ADTRP: variants seen among roughly 807,000 people sequenced by gnomAD.
ADTRP encodes androgen dependent TFPI regulating protein.
A neutral mutation model predicts 27.0 loss-of-function variants in ADTRP; 20 were observed. The observed-to-expected ratio is 0.74, with a 90% CI of 0.52 to 1.08. ADTRP has a LOEUF of 1.08. Ranked by LOEUF, ADTRP falls within the 50% of genes least tolerant of loss-of-function variation. The probability of loss-of-function intolerance (pLI) is 0.00; values close to 1 mark genes in which losing one functional copy is unlikely to be tolerated. For missense variants in ADTRP, 251 were observed against 275.0 expected (o/e 0.91, Z 0.62); for synonymous variants, 101 against 105.2 (o/e 0.96, Z 0.25).
chr6:11,724,112 G>T (rs565958188), intron 4 of ADTRP, among the ~76,000 whole-genome samples: 1 of 151,946 alleles, frequency 6.6e-6, no homozygotes, highest in Admixed American at 6.5e-5. Flanking sequence ...GTTAGCTAAA[G>T]AACTAAAGAG....
chr6:11,753,018 T>A (rs1416515832), intron 3 of ADTRP, among the ~76,000 whole-genome samples: 1 of 152,214 alleles, frequency 6.6e-6, no homozygotes, highest in Non-Finnish European at 1.5e-5. Context: ...TTTGCCTGTT[T>A]AAAGGAACCC....
chr6:11,746,078 C>A (rs1326466484), intron 3 of ADTRP, among the ~76,000 whole-genome samples: 1 of 152,178 alleles, frequency 6.6e-6, no homozygotes, highest in South Asian at 2.1e-4. Flanking sequence ...GCATGAGCCA[C>A]CCCGCCCGTC....
rs1460185609 is a variant in ADTRP at position 11,778,747 on chromosome 6, A to G, written c.13T>C (p.Ser5Pro). Residue 5 changes from serine (S) to proline (P), a missense_variant, in exon 1 of 6, where the codon TCT (serine) becomes CCT (proline). By Grantham distance (74) the Ser-to-Pro change is moderately conservative. Transcript: ENST00000414691. Reference protein sequence around the residue: MTKTSTCIYHFLVLS... With the variant: MTKTPTCIYHFLVLS... ...ACAAGGAAGTGGTATATGCATGTAG[A>G]AGTCTTCGTCATGGCGAGTGCTGAC... 5.0e-6 allele frequency: 8 copies of G among 1,614,104 alleles called. No individual in the cohort carries two copies. The highest frequency in any genetic ancestry group is 6.8e-6 in the Non-Finnish European group (8 of 1,179,960).
At position 11,768,371 on chromosome 6, in the gene ADTRP, T is replaced by C. The variant is rs1561774026; in HGVS notation, c.166A>G (p.Ile56Val). 1.2e-6 allele frequency: 2 copies of C among 1,614,148 alleles called. No homozygotes were observed. The highest frequency in any genetic ancestry group is 1.7e-5 in the Admixed American group (1 of 60,010). ...MTLLNLLLQTIFYGVTCLDDV... is the reference protein window; with the variant it reads ...MTLLNLLLQTVFYGVTCLDDV... Reference sequence around the variant, plus strand: ...TCCAGGCAGGTGACCCCGTAGAAAATGGTCTGCAAGAGCTAAATCCATTAC... The same window carrying C: ...TCCAGGCAGGTGACCCCGTAGAAAACGGTCTGCAAGAGCTAAATCCATTAC... Residue 56 changes from isoleucine to valine, a missense_variant, in exon 2 of 6, where the codon ATT becomes GTT. By Grantham distance (29) the Ile-to-Val change is conservative. Transcript: ENST00000414691.
chr6:11,772,993 C>G (rs748979545), intron 1 of ADTRP, among the ~76,000 whole-genome samples: 1 of 152,164 alleles, frequency 6.6e-6, no homozygotes, highest in African/African-American at 2.4e-5. Context: ...CTGAGGACAA[C>G]GGGCTTCAGT....
chr6:11,723,023 T>C (rs1258164581), intron 5 of ADTRP, among the ~76,000 whole-genome samples: 1 of 152,240 alleles, frequency 6.6e-6, no homozygotes, highest in Non-Finnish European at 1.5e-5. Context: ...CCTGATTTTA[T>C]TTATTCATGC....
At chr6:11,760,151 T>C (rs577779656) in intron 3 of ADTRP, among the ~76,000 whole-genome samples, 1 of 152,192 alleles carries the variant, frequency 6.6e-6, no homozygotes, top group Non-Finnish European at 1.5e-5. Context: ...ACTACTCTGT[T>C]CTCTCACCTT....
intron 3 of ADTRP, chr6:11,735,922 G>A: frequency 2.5e-6 from 1 of 401,892 alleles, no homozygotes; most frequent in Non-Finnish European, 4.5e-6. Flanking sequence ...CTCTGGTCCT[G>A]CTTATTGCCC....
chr6:11,750,282 T>C (rs1298724355), intron 3 of ADTRP, among the ~76,000 whole-genome samples: 1 of 152,234 alleles, frequency 6.6e-6, no homozygotes, highest in Non-Finnish European at 1.5e-5. Context: ...AATCCCTGAA[T>C]GGCGGAAAAT....
At chr6:11,759,707 T>C (rs1763338606) in intron 3 of ADTRP, among the ~76,000 whole-genome samples, 1 of 152,200 alleles carries the variant, frequency 6.6e-6, no homozygotes, top group South Asian at 2.1e-4. Flanking sequence ...AACCCGTGAA[T>C]ATGTTGATAT....
intron 1 of ADTRP, among the ~76,000 whole-genome samples, chr6:11,777,200 G>A (rs537188377): frequency 2.0e-5 from 3 of 152,100 alleles, no homozygotes; most frequent in Non-Finnish European, 4.4e-5. Context: ...GGAAAATAAG[G>A]GCTCTTGGAA....
At chr6:11,744,867 C>T (rs973524915) in intron 3 of ADTRP, among the ~76,000 whole-genome samples, 2 of 152,144 alleles carry the variant, frequency 1.3e-5, no homozygotes, top group African/African-American at 4.8e-5. Flanking sequence ...CCTTCGTTTC[C>T]AATATCTCAT....
intron 3 of ADTRP, among the ~76,000 whole-genome samples, chr6:11,747,379 C>G (rs1473645038): frequency 6.6e-6 from 1 of 152,148 alleles, no homozygotes; most frequent in Non-Finnish European, 1.5e-5. Context: ...TCAGAAGACA[C>G]AAAAAGCACA....
chr6:11,745,104 G>A (rs1762826369), intron 3 of ADTRP, among the ~76,000 whole-genome samples: 1 of 152,144 alleles, frequency 6.6e-6, no homozygotes, highest in South Asian at 2.1e-4. Context: ...GCTGTTTTGT[G>A]AGAATGGCAT....
At chr6:11,763,170 G>C (rs2235393) in intron 3 of ADTRP, among the ~76,000 whole-genome samples, 81,907 of 152,082 alleles carry the variant, frequency 0.54, 22,291 homozygotes, top group Admixed American at 0.59. Context: ...ATGTCTGTTA[G>C]AGACACAATG....
chr6:11,752,420 G>C (rs1763087337), intron 3 of ADTRP, among the ~76,000 whole-genome samples: 1 of 152,046 alleles, frequency 6.6e-6, no homozygotes, highest in East Asian at 1.9e-4. Context: ...TGAATTTTAA[G>C]GTCATGGATC....
At chr6:11,717,738 T>C (rs1761878612) in intron 5 of ADTRP, among the ~76,000 whole-genome samples, 1 of 152,218 alleles carries the variant, frequency 6.6e-6, no homozygotes, top group Admixed American at 6.5e-5. Context: ...GACAGGGAAC[T>C]GAGGGCTGGC....
intron 4 of ADTRP, among the ~76,000 whole-genome samples, chr6:11,734,958 G>T (rs1458163935): frequency 1.3e-5 from 2 of 152,186 alleles, no homozygotes; most frequent in Non-Finnish European, 2.9e-5. Flanking sequence ...CCACTCACTG[G>T]GTGAAAGGCC....
At chr6:11,737,088 TG>T (rs68106600) in intron 3 of ADTRP, among the ~76,000 whole-genome samples, 9,834 of 152,250 alleles carry the variant, frequency 0.065, 853 homozygotes, top group East Asian at 0.47. Flanking sequence ...GCTCCCATCT[TG>T]GGTTATAGAA....
Sources: allele counts gnomAD v4.1 joint callset (sites outside exome capture counted in the v4.1 genomes callset), GRCh38; gene constraint gnomAD v4.1.1; transcripts MANE v1.5; gene names NCBI Gene and HGNC (gene_info 2026-07-23, HGNC 2026-07-21).